Variants in ZNF532 observed in about 807,000 individuals in gnomAD.
The protein encoded by ZNF532 is zinc finger protein 532.
ZNF532 carries 22 observed loss-of-function variants against 89.3 expected under a neutral mutation model. The ratio of observed to expected loss-of-function variants is 0.25; its 90% CI spans 0.18 to 0.35. The LOEUF (loss-of-function observed/expected upper bound fraction) is 0.35. Ranked by LOEUF, ZNF532 falls within the 10% of genes least tolerant of loss-of-function variation. ZNF532 has a pLI of 1.00. For missense variants in ZNF532, 1,132 were observed against 1,643.4 expected (o/e 0.69, Z 5.38); for synonymous variants, 606 against 649.6 (o/e 0.93, Z 1.02).
At chr18:58,871,119 C>T (rs943857916) in intron 2 of ZNF532, among the ~76,000 whole-genome samples, 1 of 152,102 alleles carries the variant, frequency 6.6e-6, no homozygotes, top group Admixed American at 6.5e-5. Flanking sequence ...GAACTTAGAA[C>T]CTGTGCTTTA....
At chr18:58,939,856 G>T in intron 5 of ZNF532, 2 of 343,090 alleles carry the variant, frequency 5.8e-6, no homozygotes, top group Non-Finnish European at 1.0e-5. Flanking sequence ...ACGAATTTTT[G>T]CTCAACAAGT....
At chr18:58,971,161 G>A (rs1330201313) in intron 7 of ZNF532, among the ~76,000 whole-genome samples, 1 of 152,140 alleles carries the variant, frequency 6.6e-6, no homozygotes, top group Non-Finnish European at 1.5e-5. Flanking sequence ...TTTTAAATAA[G>A]CATAGTGGTA....
intron 7 of ZNF532, chr18:58,964,286 C>CT (rs2065679370): frequency 6.6e-6 from 1 of 152,136 alleles, no homozygotes; most frequent in South Asian, 2.1e-4. Flanking sequence ...TTTCTCCTAT[C>CT]TTTTTTGGCT....
At chr18:58,925,252 G>T (rs895278561) in intron 3 of ZNF532, among the ~76,000 whole-genome samples, 1 of 152,148 alleles carries the variant, frequency 6.6e-6, no homozygotes, top group Non-Finnish European at 1.5e-5. Context: ...GAGGGATCCA[G>T]TTTCTCTGCA....
chr18:58,965,668 T>C lies in ZNF532; in HGVS notation c.3150+11869T>C, dbSNP rs140278718. On this transcript the variant is annotated intron_variant, in intron 7 of 9. Transcript: ENST00000591808. ...TAGTTTTGGAAGACTGTGAATGTCC[T>C]GGTTTTATATTCCTTAGCTGGGGTC... Among the ~76,000 whole-genome samples the C allele has an allele frequency of 3.1e-3, 467 of 152,374 alleles. 3 individuals carry two copies. In the Middle Eastern group the frequency reaches 0.044, roughly 14 times the overall value.
chr18:58,933,432 A>C (rs1349825922), intron 3 of ZNF532, among the ~76,000 whole-genome samples: 2 of 152,234 alleles, frequency 1.3e-5, no homozygotes, highest in African/African-American at 2.4e-5. Flanking sequence ...ACTGTTGTCA[A>C]TATAAACAAA....
chr18:58,916,402 G>A (rs1275001843), intron 2 of ZNF532, among the ~76,000 whole-genome samples: 2 of 152,124 alleles, frequency 1.3e-5, no homozygotes, highest in Non-Finnish European at 2.9e-5. Flanking sequence ...ATATTTGTAC[G>A]TCAGTATCCC....
intron 2 of ZNF532, among the ~76,000 whole-genome samples, chr18:58,866,215 AT>A (rs1237402048): frequency 6.6e-6 from 1 of 152,222 alleles, no homozygotes; most frequent in Non-Finnish European, 1.5e-5. Context: ...CTGTGAAAAG[AT>A]GCCTGTTAAC....
At chr18:58,943,305 G>C (rs767365050) in intron 5 of ZNF532, among the ~76,000 whole-genome samples, 2 of 146,934 alleles carry the variant, frequency 1.4e-5, no homozygotes, top group African/African-American at 5.0e-5. Flanking sequence ...GACTACAGGC[G>C]CCCACCATCA....
In ZNF532 at chr18:58,908,776, C is replaced by T. The variant is rs191431975; in HGVS notation, c.-17-9495C>T. ...TCAAAATTTGGTGACTACTGACATC[C>T]GTGTTTTTGGAGATTTGTAATACTC... On this transcript the variant is annotated intron_variant, in intron 2 of 9. Transcript: ENST00000591808. 5.3e-4 allele frequency among the ~76,000 whole-genome samples: 81 copies of T among 152,244 alleles called. 2 individuals are homozygous for T. The highest frequency in any genetic ancestry group is 4.8e-3 in the Admixed American group (74 of 15,298).
chr18:58,923,055 C>T (rs1043006970), intron 3 of ZNF532, among the ~76,000 whole-genome samples: 23 of 152,092 alleles, frequency 1.5e-4, no homozygotes, highest in African/African-American at 5.6e-4. Flanking sequence ...ACGCAGGTCA[C>T]CCGTTTGACG....
intron 2 of ZNF532, among the ~76,000 whole-genome samples, chr18:58,901,848 A>C (rs953284985): frequency 6.6e-6 from 1 of 152,048 alleles, no homozygotes; most frequent in African/African-American, 2.4e-5. Flanking sequence ...CTGCTCTCAC[A>C]GCCTGCCTGG....
intron 2 of ZNF532, among the ~76,000 whole-genome samples, chr18:58,868,855 T>C (rs1261595188): frequency 6.6e-6 from 1 of 152,242 alleles, no homozygotes; most frequent in Non-Finnish European, 1.5e-5. Context: ...TTAGACAGTC[T>C]TGTCATTGTG....
At chr18:58,977,078 G>A (rs2067142709) in intron 7 of ZNF532, among the ~76,000 whole-genome samples, 1 of 152,024 alleles carries the variant, frequency 6.6e-6, no homozygotes. Flanking sequence ...TCTCTCTTTC[G>A]TTGTTTCCCC....
At position 58,979,027 on chromosome 18, in the gene ZNF532, T is replaced by G. The variant is rs769946084; in HGVS notation, c.3151-28T>G. On this transcript the variant is annotated intron_variant, in intron 7 of 9. Coordinates refer to ENST00000591808, the MANE Select transcript of ZNF532 (RefSeq NM_001375912.1). ...TTTGAGTGCATCTATTTTCATTCCC[T>G]TAAGTGAACTTTCTCTCCTTCCTCC... The G allele has an allele frequency of 5.1e-6, 8 of 1,568,076 alleles. No homozygotes were observed. In the East Asian group the frequency reaches 9.0e-5, roughly 18 times the overall value.
At chr18:58,927,331 G>C (rs79288556) in intron 3 of ZNF532, among the ~76,000 whole-genome samples, 67 of 151,902 alleles carry the variant, frequency 4.4e-4, no homozygotes, top group Non-Finnish European at 7.9e-4. Flanking sequence ...TTGGGGTGGG[G>C]CCGTAGTGTT....
At chr18:58,946,204 C>G (rs2063639721) in intron 5 of ZNF532, among the ~76,000 whole-genome samples, 1 of 151,680 alleles carries the variant, frequency 6.6e-6, no homozygotes, top group African/African-American at 2.4e-5. Context: ...TACATTCTAT[C>G]TTGTTATCTT....
At chr18:58,967,831 T>C (rs1245973686) in intron 7 of ZNF532, among the ~76,000 whole-genome samples, 1 of 152,210 alleles carries the variant, frequency 6.6e-6, no homozygotes, top group East Asian at 1.9e-4. Context: ...CCTTGCCGCA[T>C]GGCAGTTGCA....
intron 3 of ZNF532, among the ~76,000 whole-genome samples, chr18:58,927,165 T>A (rs1246825850): frequency 2.6e-5 from 4 of 152,176 alleles, no homozygotes; most frequent in Non-Finnish European, 5.9e-5. Flanking sequence ...AAAAAATACC[T>A]GTTGGGCTGG....
Sources: gnomAD v4.1 joint callset for allele counts (sites outside exome capture counted in the v4.1 genomes callset) on GRCh38, gnomAD v4.1.1 for gene constraint, MANE v1.5 for transcripts, NCBI Gene and HGNC (gene_info 2026-07-23, HGNC 2026-07-21) for gene names.